ERICH5: variants seen among roughly 807,000 people sequenced by gnomAD.
ERICH5 encodes the protein glutamate rich 5.
In ERICH5, 24 loss-of-function variants were observed where a neutral mutation model predicts 28.0. The ratio of observed to expected loss-of-function variants is 0.86; its 90% CI spans 0.62 to 1.21. The LOEUF is 1.21. Ranked by LOEUF, ERICH5 falls within the 50% of genes most tolerant of loss-of-function variation. ERICH5 has a pLI of 0.00. For missense variants in ERICH5, 421 were observed against 441.2 expected (o/e 0.95, Z 0.41); for synonymous variants, 163 against 157.6 (o/e 1.03, Z -0.25).
intron 2 of ERICH5, among the ~76,000 whole-genome samples, chr8:98,091,895 TCTTTCCTTTCTTTCTTTCTTTCTTC>T: frequency 1.3e-5 from 1 of 79,588 alleles, no homozygotes; most frequent in East Asian, 4.1e-4. Context: ...TTTCTTTCTT[TCTTTCCTTTCTTTCTTTCTTTCTTC>T]CTTTCTTTCT....
intron 1 of ERICH5, among the ~76,000 whole-genome samples, chr8:98,077,095 T>C (rs1815069184): frequency 7.5e-6 from 1 of 132,458 alleles, no homozygotes. Flanking sequence ...AGGCCCTGTC[T>C]CTATTAAAAA....
chr8:98,068,399 C>T lies in ERICH5; in HGVS notation c.58+3672C>T, dbSNP rs189602881. 1.1e-4 allele frequency among the ~76,000 whole-genome samples: 17 copies of T among 152,254 alleles called. No homozygotes were observed. The East Asian group carries it at 2.1e-3, about 19-fold the overall frequency. ...GTGCTCCTCACAGCGTAGAACAGTGCCTAATATGTGGTAGTCACACATCGA... is the reference window on the plus strand; with the variant it reads ...GTGCTCCTCACAGCGTAGAACAGTGTCTAATATGTGGTAGTCACACATCGA... On this transcript the variant is annotated intron_variant, in intron 1 of 2. Transcript: ENST00000318528.
chr8:98,081,683 T>C (rs1434020470), intron 1 of ERICH5, among the ~76,000 whole-genome samples: 1 of 152,168 alleles, frequency 6.6e-6, no homozygotes, highest in East Asian at 1.9e-4. Context: ...ACCCCAGCAC[T>C]TTGGGAGGCC....
Position 98,089,204 on chromosome 8 carries a change from C to T in ERICH5, c.187C>T (p.Gln63Ter). 1 of 1,614,204 alleles carries T rather than the reference C, an allele frequency of 6.2e-7. No homozygotes were observed. The highest frequency in any genetic ancestry group is 1.1e-5 in the South Asian group (1 of 91,082). Reference sequence around the variant, plus strand: ...ACAAAGGGAAAGCCGTCCTCCCTTACAAAAGCTCAAGGTTTCAGCAGAGCC... The same window carrying T: ...ACAAAGGGAAAGCCGTCCTCCCTTATAAAAGCTCAAGGTTTCAGCAGAGCC... ...NVQRESRPPL[Q>*]KLKVSAEPTA... Residue 63 changes from glutamine (Q) to a stop codon, truncating the protein, a stop_gained, in exon 2 of 3, where the codon CAA (glutamine) becomes TAA (stop). Transcript: ENST00000318528. LOFTEE classifies it high-confidence loss of function.
chr8:98,075,732 C>G (rs1815038855), intron 1 of ERICH5, among the ~76,000 whole-genome samples: 1 of 149,994 alleles, frequency 6.7e-6, no homozygotes, highest in South Asian at 2.1e-4. Context: ...TTTCAGTCTT[C>G]CATCCCAGCC....
chr8:98,076,589 G>T (rs772780913), intron 1 of ERICH5, among the ~76,000 whole-genome samples: 1 of 152,032 alleles, frequency 6.6e-6, no homozygotes, highest in African/African-American at 2.4e-5. Flanking sequence ...GTTAGTGTGA[G>T]GACAGAGACC....
intron 1 of ERICH5, among the ~76,000 whole-genome samples, chr8:98,070,660 C>CAAAAAGAAAAAAAAAAAAAA (rs1814897228): frequency 2.6e-5 from 1 of 38,758 alleles, no homozygotes; most frequent in African/African-American, 9.0e-5. Flanking sequence ...AACTGCATCT[C>CAAAAAGAAAAAAAAAAAAAA]AAAAAAAAAA....
chr8:98,069,298 G>A (rs1283924094), intron 1 of ERICH5, among the ~76,000 whole-genome samples: 1 of 151,922 alleles, frequency 6.6e-6, no homozygotes, highest in Non-Finnish European at 1.5e-5. Context: ...GAAAAGGCAG[G>A]TCTGAAAAGT....
intron 1 of ERICH5, among the ~76,000 whole-genome samples, chr8:98,073,405 T>C (rs1483912902): frequency 2.0e-4 from 3 of 15,172 alleles, no homozygotes; most frequent in South Asian, 0.014. Flanking sequence ...AGTGAGACCC[T>C]CTCTCTCTCT....
At chr8:98,075,882 A>G (rs1815043678) in intron 1 of ERICH5, among the ~76,000 whole-genome samples, 1 of 146,922 alleles carries the variant, frequency 6.8e-6, no homozygotes, top group Non-Finnish European at 1.5e-5. Context: ...CTTGGATTAC[A>G]GATGTGAGCC....
Position 98,089,063 on chromosome 8 carries a change from T to G in ERICH5, c.59-13T>G, listed in dbSNP as rs1469007009. The G allele has an allele frequency of 1.3e-6, 2 of 1,564,344 alleles. No homozygotes were observed. Among genetic ancestry groups the G allele is most frequent in the Non-Finnish European group, 1.7e-6 (2 of 1,156,430 alleles). On this transcript the variant is annotated splice_polypyrimidine_tract_variant and intron_variant, in intron 1 of 2. Transcript: ENST00000318528. ...TTCTCTTTTCTTTTTCTTTTTCAAA[T>G]GAATAACCAAAGTAACTTCAAATGA...
intron 2 of ERICH5, among the ~76,000 whole-genome samples, chr8:98,091,963 T>TCC (rs1563759758): frequency 1.3e-5 from 1 of 79,406 alleles, no homozygotes; most frequent in African/African-American, 4.4e-5. Flanking sequence ...TTTCTTTCTT[T>TCC]TTTCTTTCTT....
Position 98,083,579 on chromosome 8 carries a change from G to T in ERICH5, c.59-5497G>T, listed in dbSNP as rs146257564. On this transcript the variant is annotated intron_variant, in intron 1 of 2. Coordinates refer to ENST00000318528, the MANE Select transcript of ERICH5 (RefSeq NM_173549.3). ...GATTCACACCTAGTCTCTGAGGCAG[G>T]GTGGGGATGCAGATATTGACACACA... is the stretch of plus-strand genomic sequence containing the variant. Among the ~76,000 whole-genome samples, 223 of 151,864 alleles carry T rather than the reference G, an allele frequency of 1.5e-3. 1 individual carries two copies. Among genetic ancestry groups the T allele is most frequent in the African/African-American group, 5.2e-3 (217 of 41,380 alleles).
chr8:98,088,681 G>A (rs566149783), intron 1 of ERICH5, among the ~76,000 whole-genome samples: 6 of 152,120 alleles, frequency 3.9e-5, no homozygotes, highest in South Asian at 2.1e-4. Context: ...TGCCCTCCCC[G>A]CCAAAACAAA....
chr8:98,087,057 A>G (rs1437845608), intron 1 of ERICH5, among the ~76,000 whole-genome samples: 2 of 152,170 alleles, frequency 1.3e-5, no homozygotes, highest in Non-Finnish European at 2.9e-5. Context: ...GTAAAAGTTA[A>G]TTGAGACGGG....
At position 98,073,432 on chromosome 8, in the gene ERICH5, CTATATATATATATATA is replaced by C. The variant is rs1185025027; in HGVS notation, c.58+8717_58+8732del. ...TCTCTCTCTCTCTCTCTCTCTCTCT[CTATATATATATATATA>C]TATATATATATGTATATATATATAT... On this transcript the variant is annotated intron_variant, in intron 1 of 2. Coordinates refer to ENST00000318528, the MANE Select transcript of ERICH5 (RefSeq NM_173549.3). 1.0e-3 allele frequency among the ~76,000 whole-genome samples: 15 copies of C among 15,050 alleles called. 2 individuals carry two copies. The highest frequency in any genetic ancestry group is 3.2e-3 in the African/African-American group (13 of 4,064). 9.9% of individuals were successfully genotyped at this position (15,050 alleles called of 152,430 possible).
intron 1 of ERICH5, among the ~76,000 whole-genome samples, chr8:98,075,785 C>CCTTTTTTTTTTTTT (rs1815040849): frequency 1.2e-5 from 1 of 81,646 alleles, no homozygotes. Flanking sequence ...GCACACCTGC[C>CCTTTTTTTTTTTTT]TTTTTTTTTT....
chr8:98,076,598 C>A (rs1815059913), intron 1 of ERICH5, among the ~76,000 whole-genome samples: 1 of 152,034 alleles, frequency 6.6e-6, no homozygotes, highest in African/African-American at 2.4e-5. Flanking sequence ...AGGACAGAGA[C>A]CACACTAAGA....
chr8:98,065,848 G>A (rs1438732384), intron 1 of ERICH5, among the ~76,000 whole-genome samples: 1 of 152,204 alleles, frequency 6.6e-6, no homozygotes, highest in Non-Finnish European at 1.5e-5. Context: ...TAACAGAAAT[G>A]TCTTCCTCTG....
Sources: gnomAD v4.1 joint callset for allele counts (sites outside exome capture counted in the v4.1 genomes callset) on GRCh38, gnomAD v4.1.1 for gene constraint, MANE v1.5 for transcripts, NCBI Gene and HGNC (gene_info 2026-07-23, HGNC 2026-07-21) for gene names.